The following ZC3H12B variants were observed in gnomAD, a reference collection of about 807,000 sequenced individuals.
The protein encoded by ZC3H12B is zinc finger CCCH-type containing 12B.
Under a neutral mutation model 43.9 loss-of-function variants are expected in ZC3H12B, and 7 were observed. That is an observed-to-expected ratio of 0.16 (90% CI 0.09 to 0.30). ZC3H12B has a LOEUF of 0.30. Among genes scored for constraint, ZC3H12B ranks in the 10% least tolerant of loss-of-function variants. ZC3H12B has a pLI of 1.00. For synonymous variants in ZC3H12B, 222 were observed against 241.7 expected (o/e 0.92, Z 0.76); for missense variants, 475 against 670.2 (o/e 0.71, Z 3.22).
the ZC3H12B span, among the ~76,000 whole-genome samples, chrX:65,237,616 A>G: frequency 9.2e-6 from 1 of 108,519 alleles, no homozygotes; most frequent in South Asian, 4.0e-4. Context: ...ACGAGTTGTG[A>G]GATAGGGCAT....
chrX:65,507,853 G>GTTA (rs1446604941), exon 5 of ZC3H12B: 1 of 112,584 alleles, frequency 8.9e-6, no homozygotes, highest in Non-Finnish European at 1.9e-5. Flanking sequence ...TGTAACCACA[G>GTTA]TTATTTACTG....
chrX:65,419,163 A>G (rs1189895185), intron 3 of ZC3H12B, among the ~76,000 whole-genome samples: 1 of 111,860 alleles, frequency 8.9e-6, no homozygotes, highest in African/African-American at 3.3e-5. Flanking sequence ...TGGAATAGAC[A>G]TACTCAGCAG....
the ZC3H12B span, among the ~76,000 whole-genome samples, chrX:65,170,973 G>T: frequency 9.0e-6 from 1 of 111,634 alleles, no homozygotes; most frequent in Non-Finnish European, 1.9e-5. Flanking sequence ...TTTGTGATGG[G>T]TTAGAACATC....
At chrX:65,490,134 T>A (rs1036047518) in intron 1 of ZC3H12B, among the ~76,000 whole-genome samples, 2 of 111,605 alleles carry the variant, frequency 1.8e-5, no homozygotes, top group Admixed American at 1.9e-4. Context: ...AATCTCTGAA[T>A]ACATTATCTC....
chrX:65,156,781 G>T, the ZC3H12B span, among the ~76,000 whole-genome samples: 1 of 111,038 alleles, frequency 9.0e-6, no homozygotes, highest in Admixed American at 9.6e-5. Flanking sequence ...CTCCCAGAAT[G>T]TTGAGCTCTT....
At chrX:65,207,168 G>GA in the ZC3H12B span, among the ~76,000 whole-genome samples, 1 of 106,772 alleles carries the variant, frequency 9.4e-6, no homozygotes, top group East Asian at 3.0e-4. Context: ...TTTCTACTTA[G>GA]AAAAAAAGAA....
the ZC3H12B span, among the ~76,000 whole-genome samples, chrX:65,099,699 C>A: frequency 3.6e-5 from 4 of 110,774 alleles, no homozygotes; most frequent in South Asian, 7.6e-4. Flanking sequence ...AAAGGACCCC[C>A]CACACACACA....
At chrX:65,055,925 G>C in the ZC3H12B span, among the ~76,000 whole-genome samples, 1 of 111,852 alleles carries the variant, frequency 8.9e-6, no homozygotes, top group Non-Finnish European at 1.9e-5. Context: ...TGTGGGATCA[G>C]TGGTGATATC....
At chrX:65,381,682 A>G (rs1393428829) in intron 2 of ZC3H12B, among the ~76,000 whole-genome samples, 2 of 112,156 alleles carry the variant, frequency 1.8e-5, no homozygotes, top group Admixed American at 1.9e-4. Flanking sequence ...TTTTGAAAAG[A>G]TCAACAAAAT....
chrX:65,313,119 T>C, the ZC3H12B span, among the ~76,000 whole-genome samples: 4 of 111,620 alleles, frequency 3.6e-5, no homozygotes, highest in African/African-American at 1.3e-4. Context: ...TGATCCCAAG[T>C]GATTCGCTCA....
chrX:65,487,276 C>T (rs2068136230), upstream of ZC3H12B, among the ~76,000 whole-genome samples: 1 of 112,744 alleles, frequency 8.9e-6, no homozygotes, highest in Non-Finnish European at 1.9e-5. Context: ...TGTGGTGGCT[C>T]ACGCCTGTAA....
chrX:65,225,419 C>T, the ZC3H12B span, among the ~76,000 whole-genome samples: 10 of 111,747 alleles, frequency 8.9e-5, no homozygotes, highest in South Asian at 3.7e-4. Context: ...ACCACAAAGA[C>T]GGGGAAAAAA....
chrX:65,165,746 C>T, the ZC3H12B span, among the ~76,000 whole-genome samples: 1 of 112,122 alleles, frequency 8.9e-6, no homozygotes, highest in Non-Finnish European at 1.9e-5. Flanking sequence ...AATAGTGCTG[C>T]AATAAACATA....
the ZC3H12B span, among the ~76,000 whole-genome samples, chrX:65,155,814 A>C: frequency 1.8e-5 from 2 of 110,931 alleles, no homozygotes; most frequent in Non-Finnish European, 3.8e-5. Flanking sequence ...GAGCATGATC[A>C]CATCACTGCA....
intron 2 of ZC3H12B, among the ~76,000 whole-genome samples, chrX:65,381,721 A>G (rs780865951): frequency 3.6e-5 from 4 of 112,248 alleles, no homozygotes; most frequent in African/African-American, 9.7e-5. Flanking sequence ...ACTAAAAAAG[A>G]AGAAAAGAGA....
chrX:65,220,600 A>G, the ZC3H12B span, among the ~76,000 whole-genome samples: 1 of 112,145 alleles, frequency 8.9e-6, no homozygotes. Flanking sequence ...TAAAAAAGAC[A>G]TAGAGGGACA....
chrX:65,116,097 G>A, the ZC3H12B span, among the ~76,000 whole-genome samples: 1 of 111,194 alleles, frequency 9.0e-6, no homozygotes, highest in East Asian at 2.8e-4. Context: ...ATTTGCTTTT[G>A]GGTTCTTGGT....
the ZC3H12B span, among the ~76,000 whole-genome samples, chrX:65,126,615 G>T: frequency 9.2e-6 from 1 of 109,070 alleles, no homozygotes; most frequent in African/African-American, 3.3e-5. Context: ...TCTTTCTTGG[G>T]TACACCAATT....
the ZC3H12B span, among the ~76,000 whole-genome samples, chrX:65,253,219 C>T: frequency 8.9e-6 from 1 of 112,064 alleles, no homozygotes; most frequent in Non-Finnish European, 1.9e-5. Flanking sequence ...AGGGAGAACA[C>T]AGATGCTGGG....
Sources: gnomAD v4.1 joint callset for allele counts (sites outside exome capture counted in the v4.1 genomes callset) on GRCh38, gnomAD v4.1.1 for gene constraint, MANE v1.5 for transcripts, NCBI Gene and HGNC (gene_info 2026-07-23, HGNC 2026-07-21) for gene names.